ARHGAP22: variants seen among roughly 807,000 people sequenced by gnomAD.
ARHGAP22 encodes rho GTPase-activating protein 22.
A neutral mutation model predicts 59.1 loss-of-function variants in ARHGAP22; 48 were observed. The observed-to-expected ratio is 0.81, with a 90% CI of 0.64 to 1.03. The LOEUF is 1.03. ARHGAP22 is among the 50% of genes least tolerant of loss of function. The pLI is 0.00. For missense variants in ARHGAP22, 1,015 were observed against 958.7 expected (o/e 1.06, Z -0.78); for synonymous variants, 445 against 416.4 (o/e 1.07, Z -0.84).
intron 3 of ARHGAP22, among the ~76,000 whole-genome samples, chr10:48,486,962 T>C (rs986293570): frequency 5.3e-5 from 8 of 152,276 alleles, no homozygotes; most frequent in African/African-American, 1.9e-4. Flanking sequence ...CCTCATTTTT[T>C]GATGTTTTGT....
At chr10:48,559,117 G>T (rs1476040814) in intron 2 of ARHGAP22, among the ~76,000 whole-genome samples, 1 of 152,226 alleles carries the variant, frequency 6.6e-6, no homozygotes, top group African/African-American at 2.4e-5. Flanking sequence ...AGCGCAAAGT[G>T]AGTGTCAGCA....
intron 3 of ARHGAP22, among the ~76,000 whole-genome samples, chr10:48,485,927 T>C (rs2049813894): frequency 6.6e-6 from 1 of 152,220 alleles, no homozygotes; most frequent in Admixed American, 6.5e-5. Flanking sequence ...TCCTGCTTTT[T>C]ATCCAATCTG....
chr10:48,434,580 A>G, the ARHGAP22 span, among the ~76,000 whole-genome samples: 1 of 152,236 alleles, frequency 6.6e-6, no homozygotes, highest in Non-Finnish European at 1.5e-5. Context: ...AAGCCCATTC[A>G]TGGATCTTGC....
chr10:48,592,299 C>T (rs1453476993), intron 1 of ARHGAP22, among the ~76,000 whole-genome samples: 1 of 152,162 alleles, frequency 6.6e-6, no homozygotes, highest in Admixed American at 6.5e-5. Context: ...GGGTATCTGT[C>T]ACCGCACCTG....
At chr10:48,449,965 ACT>A (rs1264113410) in intron 9 of ARHGAP22, among the ~76,000 whole-genome samples, 1 of 151,962 alleles carries the variant, frequency 6.6e-6, no homozygotes, top group African/African-American at 2.4e-5. Flanking sequence ...CTGCACACTG[ACT>A]CTGTTTCCAC....
intron 1 of ARHGAP22, among the ~76,000 whole-genome samples, chr10:48,637,132 C>G (rs958049046): frequency 1.3e-5 from 2 of 152,206 alleles, no homozygotes; most frequent in African/African-American, 4.8e-5. Context: ...AACCAGGCCT[C>G]TAGATGAATG....
chr10:48,514,059 G>GA lies in ARHGAP22; in HGVS notation c.323-34296dup, dbSNP rs113966262. 9.2e-3 allele frequency among the ~76,000 whole-genome samples: 1,396 copies of GA among 151,680 alleles called. 24 individuals carry two copies. The highest frequency in any genetic ancestry group is 0.031 in the African/African-American group (1,294 of 41,414). Reference sequence around the variant, plus strand: ...TAACAGCAGATTTGAGCTTATAGAAGAAAAAAAATCAGTAAACTTGAAGAT... The same window carrying GA: ...TAACAGCAGATTTGAGCTTATAGAAGAAAAAAAAATCAGTAAACTTGAAGAT... On this transcript the variant is annotated intron_variant, in intron 3 of 9. Coordinates refer to ENST00000249601, the MANE Select transcript of ARHGAP22 (RefSeq NM_021226.4).
intron 4 of ARHGAP22, among the ~76,000 whole-genome samples, chr10:48,463,753 G>C (rs1395682523): frequency 1.3e-5 from 2 of 152,196 alleles, no homozygotes; most frequent in East Asian, 3.9e-4. Flanking sequence ...TCCAGACAGT[G>C]TGAGGACACT....
intron 4 of ARHGAP22, chr10:48,466,513 A>C (rs4082089): frequency 0.9 from 135,290 of 150,020 alleles, 62,486 homozygotes; most frequent in East Asian, 1. Context: ...GAGCGCCTCT[A>C]TGGCCCGGAG....
chr10:48,506,254 C>G (rs1287855481), intron 3 of ARHGAP22, among the ~76,000 whole-genome samples: 1 of 145,132 alleles, frequency 6.9e-6, no homozygotes, highest in African/African-American at 2.8e-5. Flanking sequence ...TGCCATTGTG[C>G]AAACCCCACA....
chr10:48,547,288 A>G (rs1564856141), intron 3 of ARHGAP22, among the ~76,000 whole-genome samples: 1 of 152,204 alleles, frequency 6.6e-6, no homozygotes, highest in Non-Finnish European at 1.5e-5. Context: ...ATGGGACACA[A>G]TGCTAGCTTT....
rs1459723735 is a variant in ARHGAP22 at position 48,459,906 on chromosome 10, G to A, written c.452-15C>T. On this transcript the variant is annotated splice_polypyrimidine_tract_variant and intron_variant, in intron 4 of 9. Transcript: ENST00000249601. The stretch of plus-strand genomic sequence containing the variant: ...CCCAAAGATCCCTGAGCACAGAGAG[G>A]AGCTAGTCACACCCTCCACCACCCA... 3 of 1,608,542 alleles carry A rather than the reference G, an allele frequency of 1.9e-6. 1 individual carries two copies. Among genetic ancestry groups the A allele is most frequent in the African/African-American group, 2.7e-5 (2 of 74,958 alleles).
chr10:48,614,040 C>T (rs1042726358), intron 1 of ARHGAP22, among the ~76,000 whole-genome samples: 2 of 152,152 alleles, frequency 1.3e-5, no homozygotes, highest in Non-Finnish European at 1.5e-5. Flanking sequence ...TGGTGCCATG[C>T]TCTTGGGCTT....
At chr10:48,569,069 C>G (rs1351784353) in intron 2 of ARHGAP22, among the ~76,000 whole-genome samples, 1 of 152,118 alleles carries the variant, frequency 6.6e-6, no homozygotes, top group East Asian at 1.9e-4. Flanking sequence ...TGGGTGGGGC[C>G]CTCCTTTGGC....
At chr10:48,612,329 A>G (rs1049804564) in intron 1 of ARHGAP22, among the ~76,000 whole-genome samples, 7 of 152,126 alleles carry the variant, frequency 4.6e-5, no homozygotes, top group African/African-American at 1.4e-4. Flanking sequence ...GGTATTCCCC[A>G]TCTCCCTCTT....
intron 1 of ARHGAP22, among the ~76,000 whole-genome samples, chr10:48,631,955 T>C (rs1490661636): frequency 6.6e-6 from 1 of 152,034 alleles, no homozygotes; most frequent in Non-Finnish European, 1.5e-5. Context: ...TTAGTCTCAC[T>C]TTTTTTTACA....
At chr10:48,602,470 C>T (rs11595454) in intron 1 of ARHGAP22, among the ~76,000 whole-genome samples, 2 of 152,198 alleles carry the variant, frequency 1.3e-5, no homozygotes, top group East Asian at 3.9e-4. Context: ...AAAAAACCCA[C>T]TCTAATATAA....
chr10:48,499,260 G>A (rs942166336), intron 3 of ARHGAP22, among the ~76,000 whole-genome samples: 1 of 152,232 alleles, frequency 6.6e-6, no homozygotes, highest in African/African-American at 2.4e-5. Context: ...CTGGAAGCAG[G>A]ATGGTACAGA....
chr10:48,578,926 T>C (rs2058935269), intron 2 of ARHGAP22, among the ~76,000 whole-genome samples: 1 of 152,142 alleles, frequency 6.6e-6, no homozygotes, highest in South Asian at 2.1e-4. Context: ...TCCGTTCTTT[T>C]GCTTTTTAAT....
Sources: gnomAD v4.1 joint callset for allele counts (sites outside exome capture counted in the v4.1 genomes callset) on GRCh38, gnomAD v4.1.1 for gene constraint, MANE v1.5 for transcripts, NCBI Gene and HGNC (gene_info 2026-07-23, HGNC 2026-07-21) for gene names.